FARP1: variants seen among roughly 807,000 people sequenced by gnomAD.
FARP1 encodes FERM, ARHGEF and pleckstrin domain-containing protein 1.
A neutral mutation model predicts 128.8 loss-of-function variants in FARP1; 52 were observed. The observed-to-expected ratio is 0.40, with a 90% CI of 0.32 to 0.51. The LOEUF (loss-of-function observed/expected upper bound fraction) is 0.51. Ranked by LOEUF, FARP1 falls within the 20% of genes least tolerant of loss-of-function variation. The pLI is 0.45. For synonymous variants in FARP1, 580 were observed against 551.8 expected (o/e 1.05, Z -0.72); for missense variants, 1,333 against 1,367.9 (o/e 0.97, Z 0.40).
At chr13:98,221,054 T>C (rs576635797) in intron 2 of FARP1, among the ~76,000 whole-genome samples, 2 of 152,322 alleles carry the variant, frequency 1.3e-5, no homozygotes, top group East Asian at 3.9e-4. Flanking sequence ...GCCCTGGGTC[T>C]GGGCCGCCTC....
At chr13:98,202,851 C>G (rs1320403015) in intron 1 of FARP1, among the ~76,000 whole-genome samples, 1 of 151,934 alleles carries the variant, frequency 6.6e-6, no homozygotes, top group Non-Finnish European at 1.5e-5. Context: ...CTGCAAGTAG[C>G]TGGGACTGCA....
At chr13:98,437,855 A>T (rs764048857) in intron 19 of FARP1, 2 of 1,595,264 alleles carry the variant, frequency 1.3e-6, no homozygotes, top group East Asian at 4.5e-5. Flanking sequence ...TGTTATTAGT[A>T]AAGGTGAAGA....
intron 2 of FARP1, among the ~76,000 whole-genome samples, chr13:98,316,598 G>A (rs911182337): frequency 5.3e-5 from 8 of 152,114 alleles, no homozygotes; most frequent in South Asian, 4.2e-4. Flanking sequence ...CACCTCTTTC[G>A]CCTTGGGGGT....
chr13:98,177,035 C>T, intron 1 of FARP1: 1 of 1,594,296 alleles, frequency 6.3e-7, no homozygotes, highest in Non-Finnish European at 8.5e-7. Flanking sequence ...CTGTGGAGGC[C>T]CCGGGGCCTC....
chr13:98,379,125 ATATATATAATATATAATC>A lies in FARP1; in HGVS notation c.496+1223_496+1240del, dbSNP rs1566935097. ...ATATAATATATAATCTATATATAAT[ATATATATAATATATAATC>A]TATATATAATATATATATAATATAT... On this transcript the variant is annotated intron_variant, in intron 6 of 26. Coordinates refer to ENST00000319562, the MANE Select transcript of FARP1 (RefSeq NM_005766.4). Among the ~76,000 whole-genome samples, 7 of 53,338 alleles carry A rather than the reference ATATATATAATATATAATC, an allele frequency of 1.3e-4. 2 individuals carry two copies. In the African/African-American group the frequency reaches 1.4e-3, roughly 11 times the overall value. The allele number at this position is 53,338 out of a possible 152,430, so 35.0% of individuals were successfully genotyped here.
intron 9 of FARP1, chr13:98,389,541 G>A (rs1056543394): frequency 6.4e-6 from 1 of 155,806 alleles, no homozygotes; most frequent in Non-Finnish European, 1.4e-5. Context: ...AACGACGTAA[G>A]AGCCAACATT....
chr13:98,277,107 A>AACACACACACACACACACACACAC, intron 2 of FARP1, among the ~76,000 whole-genome samples: 1 of 15,256 alleles, frequency 6.6e-5, no homozygotes, highest in African/African-American at 2.1e-4. Flanking sequence ...GCTCTAGAAA[A>AACACACACACACACACACACACAC]ATACACACAC....
Position 98,453,349 on chromosome 13 carries a change from A to C in FARP1, c.*5032A>C. The C allele has an allele frequency of 1.2e-6, 1 of 826,856 alleles. No homozygotes were observed. The allele number at this position is 826,856 out of a possible 1,614,324, so 51.2% of individuals were successfully genotyped here. ...TAAGTGGAGCAAATATCAATGTGTA[A>C]GTCTAATTTTAAAAGAATGCATATA... is the stretch of plus-strand genomic sequence containing the variant. On this transcript the variant is annotated 3_prime_UTR_variant, in exon 27 of 27. Coordinates refer to ENST00000319562, the MANE Select transcript of FARP1 (RefSeq NM_005766.4).
chr13:98,252,013 A>ATT (rs35468208), intron 2 of FARP1, among the ~76,000 whole-genome samples: 13 of 151,782 alleles, frequency 8.6e-5, no homozygotes, highest in East Asian at 2.0e-4. Flanking sequence ...ATGCCCGGTT[A>ATT]TTTTTTGTAT....
intron 3 of FARP1, among the ~76,000 whole-genome samples, chr13:98,349,881 C>T (rs562442836): frequency 1.6e-4 from 24 of 152,082 alleles, no homozygotes; most frequent in African/African-American, 5.3e-4. Context: ...CTGCAGTTCC[C>T]GGGGATGACG....
intron 2 of FARP1, among the ~76,000 whole-genome samples, chr13:98,271,528 A>G (rs1463719344): frequency 6.6e-6 from 1 of 152,182 alleles, no homozygotes; most frequent in East Asian, 1.9e-4. Context: ...CCCCACATGC[A>G]TTAGGTATTT....
chr13:98,145,251 G>T (rs1291076108), intron 1 of FARP1, among the ~76,000 whole-genome samples: 2 of 152,196 alleles, frequency 1.3e-5, no homozygotes, highest in Non-Finnish European at 2.9e-5. Context: ...CCTAGGGGCA[G>T]ATTCTATGGT....
At chr13:98,358,139 TA>T (rs1243104797) in intron 3 of FARP1, among the ~76,000 whole-genome samples, 1 of 151,560 alleles carries the variant, frequency 6.6e-6, no homozygotes, top group Non-Finnish European at 1.5e-5. Flanking sequence ...GTGGCTCTCC[TA>T]AGTTTTTTTT....
chr13:98,412,102 C>T, intron 16 of FARP1, 68 bp downstream of exon 16: 1 of 1,489,076 alleles, frequency 6.7e-7, no homozygotes, highest in Non-Finnish European at 9.3e-7. Context: ...TTATGTCGTC[C>T]CTGGGTAGGC....
At chr13:98,152,851 G>A (rs542884655) in intron 1 of FARP1, among the ~76,000 whole-genome samples, 21 of 152,220 alleles carry the variant, frequency 1.4e-4, no homozygotes, top group Admixed American at 7.2e-4. Context: ...TGTGCAAGTC[G>A]TGCAACTGAG....
intron 2 of FARP1, among the ~76,000 whole-genome samples, chr13:98,275,834 G>A (rs946708072): frequency 1.3e-5 from 2 of 152,136 alleles, no homozygotes; most frequent in African/African-American, 4.8e-5. Flanking sequence ...AGCATGATTT[G>A]TGTAACATTT....
At chr13:98,265,473 C>A (rs1397177117) in intron 2 of FARP1, among the ~76,000 whole-genome samples, 2 of 150,902 alleles carry the variant, frequency 1.3e-5, no homozygotes, top group African/African-American at 4.9e-5. Flanking sequence ...GCGCCCGCCA[C>A]TACGCCCGGC....
chr13:98,424,797 A>G, intron 17 of FARP1, 147 bp downstream of exon 17: 1 of 656,062 alleles, frequency 1.5e-6, no homozygotes, highest in Non-Finnish European at 2.8e-6. Context: ...ACCGCCGAGC[A>G]GCAGCTTACA....
intron 2 of FARP1, among the ~76,000 whole-genome samples, chr13:98,332,196 T>C (rs1283464848): frequency 6.6e-6 from 1 of 152,130 alleles, no homozygotes; most frequent in African/African-American, 2.4e-5. Flanking sequence ...CTTCCCAAAC[T>C]GAAACTCTGT....
Sources: allele counts gnomAD v4.1 joint callset (sites outside exome capture counted in the v4.1 genomes callset), GRCh38; gene constraint gnomAD v4.1.1; transcripts MANE v1.5; gene names NCBI Gene and HGNC (gene_info 2026-07-23, HGNC 2026-07-21).